Variants in GPR83 observed in about 807,000 individuals in gnomAD.
GPR83 encodes the protein G-protein coupled receptor 72.
GPR83 carries 23 observed loss-of-function variants against 28.0 expected under a neutral mutation model. That is an observed-to-expected ratio of 0.82 (90% CI 0.59 to 1.16). GPR83 has a LOEUF of 1.16. GPR83 is among the 50% of genes most tolerant of loss of function. The probability of loss-of-function intolerance (pLI) is 0.00; values close to 1 mark genes in which losing one functional copy is unlikely to be tolerated. For missense variants in GPR83, 610 were observed against 536.6 expected (o/e 1.14, Z -1.35); for synonymous variants, 234 against 215.4 (o/e 1.09, Z -0.76).
chr11:94,385,128 G>T (rs1223534352), intron 3 of GPR83, among the ~76,000 whole-genome samples: 1 of 152,208 alleles, frequency 6.6e-6, no homozygotes, highest in Non-Finnish European at 1.5e-5. Context: ...CAGACCTGAA[G>T]CTGAGGGTCC....
intron 3 of GPR83, among the ~76,000 whole-genome samples, chr11:94,384,471 T>C (rs1037006344): frequency 6.6e-6 from 1 of 152,260 alleles, no homozygotes; most frequent in Non-Finnish European, 1.5e-5. Context: ...TTCATCTCAC[T>C]GGGGATTGTC....
At chr11:94,387,565 C>A (rs1944773096) in intron 3 of GPR83, among the ~76,000 whole-genome samples, 2 of 152,166 alleles carry the variant, frequency 1.3e-5, no homozygotes, top group South Asian at 4.1e-4. Flanking sequence ...TGCAAATAAA[C>A]TAGAAAATCT....
rs1293160137 is a variant in GPR83, at chr11:94,387,345, G to T, written c.647+6140C>A. On this transcript the variant is annotated intron_variant, in intron 3 of 3. Transcript: ENST00000243673. Reference sequence around the variant, plus strand: ...CTAACATCAGAGCAGAACTGAAGGAGATAGAGACACAGAAAACTCTTCAAA... The same window carrying T: ...CTAACATCAGAGCAGAACTGAAGGATATAGAGACACAGAAAACTCTTCAAA... Among the ~76,000 whole-genome samples the T allele has an allele frequency of 2.0e-5, 3 of 152,144 alleles. No individual in the cohort carries two copies. In the South Asian group the frequency reaches 6.2e-4, roughly 32 times the overall value.
chr11:94,387,241 G>C (rs1182509413), intron 3 of GPR83, among the ~76,000 whole-genome samples: 1 of 152,138 alleles, frequency 6.6e-6, no homozygotes, highest in Non-Finnish European at 1.5e-5. Flanking sequence ...ATCTAAAATT[G>C]ACACCCTAAC....
chr11:94,380,878 T>C (rs1944680344), intron 3 of GPR83, 105 bp from the exon 4 acceptor site: 1 of 942,266 alleles, frequency 1.1e-6, no homozygotes, highest in Non-Finnish European at 1.6e-6. Flanking sequence ...ACTGGGCTCC[T>C]GGTACATCCA....
At chr11:94,399,194 C>A (rs1426958538) in intron 1 of GPR83, among the ~76,000 whole-genome samples, 1 of 152,156 alleles carries the variant, frequency 6.6e-6, no homozygotes, top group Non-Finnish European at 1.5e-5. Context: ...AAGGGAGGCG[C>A]CAACGGGTGA....
chr11:94,390,175 TG>T (rs1944803278), intron 3 of GPR83, among the ~76,000 whole-genome samples: 1 of 138,054 alleles, frequency 7.2e-6, no homozygotes, highest in African/African-American at 2.8e-5. Context: ...TGTTGTGGGG[TG>T]GGGGGAGGTG....
chr11:94,395,291 T>C (rs1944855402), intron 2 of GPR83, among the ~76,000 whole-genome samples: 1 of 152,230 alleles, frequency 6.6e-6, no homozygotes, highest in South Asian at 2.1e-4. Context: ...CACATTGGAC[T>C]GTATCTTTGA....
rs893942266 is a variant in GPR83 at position 94,378,075 on chromosome 11, C to G, written c.*2074G>C. 6.6e-6 allele frequency: 1 copy of G among 152,108 alleles called. No individual in the cohort carries two copies. The allele number at this position is 152,108 out of a possible 1,614,324, so 9.4% of individuals were successfully genotyped here. Reference sequence around the variant, plus strand: ...GAGACAATAAGTACAGGCACATGAGCCATTTGTCCTGAAAAATCCATCTGG... The same window carrying G: ...GAGACAATAAGTACAGGCACATGAGGCATTTGTCCTGAAAAATCCATCTGG... On this transcript the variant is annotated 3_prime_UTR_variant, in exon 4 of 4. Coordinates refer to ENST00000243673, the MANE Select transcript of GPR83 (RefSeq NM_016540.4).
intron 2 of GPR83, among the ~76,000 whole-genome samples, chr11:94,395,877 G>A (rs1027011058): frequency 2.0e-5 from 3 of 152,128 alleles, no homozygotes; most frequent in African/African-American, 4.8e-5. Flanking sequence ...GTGATTTTCC[G>A]GGTTTGCTTT....
chr11:94,393,388 C>A, intron 3 of GPR83, 97 bp downstream of exon 3: 1 of 1,094,120 alleles, frequency 9.1e-7, no homozygotes, highest in Admixed American at 1.9e-5. Context: ...GTTACTCAGA[C>A]AGTTGTGAGC....
chr11:94,384,683 G>A (rs1944730522), intron 3 of GPR83, among the ~76,000 whole-genome samples: 1 of 152,194 alleles, frequency 6.6e-6, no homozygotes, highest in African/African-American at 2.4e-5. Context: ...GGCTTGAGTA[G>A]GTAAACAAAG....
intron 1 of GPR83, among the ~76,000 whole-genome samples, chr11:94,398,394 C>T (rs975026274): frequency 1.3e-5 from 2 of 152,194 alleles, no homozygotes; most frequent in African/African-American, 4.8e-5. Flanking sequence ...CATTGAGCCA[C>T]TCAATGTTCC....
chr11:94,390,519 G>C (rs917080051), intron 3 of GPR83, among the ~76,000 whole-genome samples: 1 of 152,166 alleles, frequency 6.6e-6, no homozygotes, highest in South Asian at 2.1e-4. Context: ...AATGGGAAGA[G>C]AGGAAGTCAA....
At chr11:94,386,681 T>C (rs1293093015) in intron 3 of GPR83, among the ~76,000 whole-genome samples, 1 of 152,118 alleles carries the variant, frequency 6.6e-6, no homozygotes, top group Non-Finnish European at 1.5e-5. Flanking sequence ...ATAAAGCAAG[T>C]CCTTAGAGAC....
chr11:94,396,916 A>G (rs750432833), intron 1 of GPR83, among the ~76,000 whole-genome samples: 5 of 151,740 alleles, frequency 3.3e-5, no homozygotes, highest in Non-Finnish European at 7.4e-5. Flanking sequence ...TAGGCTTAGT[A>G]TAAGGTTTAA....
Position 94,380,313 on chromosome 11 carries a change from G to C in GPR83, c.1108C>G (p.Gln370Glu). Residue 370 changes from glutamine to glutamate, a missense_variant, in exon 4 of 4, where the codon CAG becomes GAG. Gln to Glu is a conservative substitution (Grantham distance 29). Transcript: ENST00000243673. ...ACTGGGGAGGGTGGCCTGTCCTCCT[G>C]AGGCTTGGGAGGTCTTTGACACATG... ...LSMCQRPPKP[Q>E]EDRPPSPVPS... 1 of 1,608,846 alleles carries C rather than the reference G, an allele frequency of 6.2e-7. No homozygotes were observed. The highest frequency in any genetic ancestry group is 1.1e-5 in the South Asian group (1 of 90,286).
In GPR83 at chr11:94,380,623, C is replaced by T. The variant is rs763353918; in HGVS notation, c.798G>A (p.Leu266=). The T allele has an allele frequency of 8.7e-6, 14 of 1,613,976 alleles. No individual in the cohort carries two copies. The highest frequency in any genetic ancestry group is 1.0e-5 in the Non-Finnish European group (12 of 1,180,032). ...SVAYARVAKK[L]WLCNMIGDVT... ...CATCGCCAATCATATTACACAGCCA[C>T]AGTTTCTTGGCCACACGAGCGTAGG... Residue 266 remains leucine, a synonymous_variant, in exon 4 of 4, where the codon CTG becomes CTA. Coordinates refer to ENST00000243673, the MANE Select transcript of GPR83 (RefSeq NM_016540.4).
intron 3 of GPR83, among the ~76,000 whole-genome samples, chr11:94,390,544 C>G (rs1457426379): frequency 6.6e-6 from 1 of 152,164 alleles, no homozygotes; most frequent in Non-Finnish European, 1.5e-5. Flanking sequence ...TCTCTGTTTG[C>G]AGATGACATG....
Sources: gnomAD v4.1 joint callset for allele counts (sites outside exome capture counted in the v4.1 genomes callset) on GRCh38, gnomAD v4.1.1 for gene constraint, MANE v1.5 for transcripts, NCBI Gene and HGNC (gene_info 2026-07-23, HGNC 2026-07-21) for gene names.